Variants in STRN observed in about 807,000 individuals in gnomAD.
STRN encodes the protein striatin, also known as protein phosphatase 2 regulatory subunit B'''alpha.
A neutral mutation model predicts 96.3 loss-of-function variants in STRN; 53 were observed. That is an observed-to-expected ratio of 0.55 (90% CI 0.44 to 0.69). The LOEUF is 0.69. STRN is among the 30% of genes least tolerant of loss of function. STRN has a pLI of 0.00. For synonymous variants in STRN, 428 were observed against 355.9 expected (o/e 1.20, Z -2.28); for missense variants, 987 against 963.9 (o/e 1.02, Z -0.32).
At chr2:36,961,021 C>G (rs948756202) in intron 1 of STRN, among the ~76,000 whole-genome samples, 1 of 151,096 alleles carries the variant, frequency 6.6e-6, no homozygotes, top group South Asian at 2.1e-4. Context: ...CTCAGCCTCA[C>G]GAGTAGCTGG....
In STRN at chr2:36,838,867, A is replaced by T. The variant is rs1432470880; in HGVS notation, c.*10589T>A. On this transcript the variant is annotated 3_prime_UTR_variant, in exon 18 of 18. Coordinates refer to ENST00000263918, the MANE Select transcript of STRN (RefSeq NM_003162.4). ...TAAATGAGAAATGTGAGATGCAGAGAACGTACATGATCCCATTTATTTAAA... is the reference window on the plus strand; with the variant it reads ...TAAATGAGAAATGTGAGATGCAGAGTACGTACATGATCCCATTTATTTAAA... Among the ~76,000 whole-genome samples the T allele has an allele frequency of 6.6e-6, 1 of 152,154 alleles. No individual in the cohort carries two copies. The highest frequency in any genetic ancestry group is 1.5e-5 in the Non-Finnish European group (1 of 68,022).
chr2:36,885,116 A>G (rs539184405), intron 8 of STRN, among the ~76,000 whole-genome samples: 1 of 152,152 alleles, frequency 6.6e-6, no homozygotes, highest in East Asian at 1.9e-4. Flanking sequence ...AAGAAATCCA[A>G]TTGCTTCTAT....
chr2:36,857,624 C>T (rs1449764254), intron 14 of STRN, among the ~76,000 whole-genome samples: 1 of 152,026 alleles, frequency 6.6e-6, no homozygotes, highest in African/African-American at 2.4e-5. Context: ...TGCGCCACTG[C>T]ACTCCAGCCT....
At chr2:36,923,958 C>A (rs763385909) in intron 2 of STRN, among the ~76,000 whole-genome samples, 6 of 151,966 alleles carry the variant, frequency 3.9e-5, no homozygotes, top group Non-Finnish European at 5.9e-5. Flanking sequence ...TACTTGTGAC[C>A]CAAATTTAGT....
intron 13 of STRN, among the ~76,000 whole-genome samples, chr2:36,858,855 C>T (rs1041117160): frequency 6.6e-6 from 1 of 152,084 alleles, no homozygotes; most frequent in Non-Finnish European, 1.5e-5. Flanking sequence ...CCTCAACAGA[C>T]AATGTTGAAA....
chr2:36,956,884 AG>A (rs763047940), intron 1 of STRN, among the ~76,000 whole-genome samples: 29 of 152,248 alleles, frequency 1.9e-4, no homozygotes, highest in Non-Finnish European at 3.5e-4. Flanking sequence ...TTCAGTTTCC[AG>A]TTATGGTGCC....
chr2:36,923,065 C>G (rs1435641104), intron 2 of STRN, among the ~76,000 whole-genome samples: 1 of 151,732 alleles, frequency 6.6e-6, no homozygotes, highest in Non-Finnish European at 1.5e-5. Context: ...TTGCTTGAAC[C>G]CAGGAGGTGG....
At chr2:36,952,120 G>T (rs748914805) in intron 1 of STRN, among the ~76,000 whole-genome samples, 3 of 152,180 alleles carry the variant, frequency 2.0e-5, no homozygotes, top group Non-Finnish European at 2.9e-5. Flanking sequence ...AGCATTCTAA[G>T]AAACAAAAAT....
rs1044266952 is a variant in STRN, at chr2:36,926,945, T to C, written c.235-1737A>G. On this transcript the variant is annotated intron_variant, in intron 1 of 17. Coordinates refer to ENST00000263918, the MANE Select transcript of STRN (RefSeq NM_003162.4). The stretch of plus-strand genomic sequence containing the variant: ...GACAGCCCAACTTGTCATTTCCAAA[T>C]GTTTGTCTATGCCAAACGTGCTTTG... Among the ~76,000 whole-genome samples, 17 of 152,330 alleles carry C rather than the reference T, an allele frequency of 1.1e-4. 1 individual carries two copies. The South Asian group carries it at 2.7e-3, about 24-fold the overall frequency.
chr2:36,961,115 C>CCTTT (rs1553407709), intron 1 of STRN, among the ~76,000 whole-genome samples: 1 of 60,322 alleles, frequency 1.7e-5, no homozygotes, highest in African/African-American at 9.6e-5. Flanking sequence ...CCAGGCTGCA[C>CCTTT]TTTTTTTTTT....
chr2:36,899,542 C>T lies in STRN; in HGVS notation c.776G>A (p.Ser259Asn), dbSNP rs1161538911. ...ACTCACTGTTGAAGTATCAATGACG[C>T]TTTTCTCTCTTCCATCAACATCATC... is the stretch of plus-strand genomic sequence containing the variant. ...EDDDVDGREK[S>N]VIDTSTIVRK... The change falls in exon 6 of 18, where the codon AGC (serine) becomes AAC (asparagine). Residue 259 changes from serine (S) to asparagine (N), a missense_variant. Ser to Asn is a conservative substitution (Grantham distance 46, BLOSUM62 1). Transcript: ENST00000263918. The T allele has an allele frequency of 1.9e-6, 3 of 1,611,888 alleles. No individual in the cohort carries two copies. The highest frequency in any genetic ancestry group is 2.5e-6 in the Non-Finnish European group (3 of 1,179,558).
At chr2:36,886,883 A>G in intron 7 of STRN, 57 bp from the exon 8 acceptor site, 1 of 1,385,300 alleles carries the variant, frequency 7.2e-7, no homozygotes, top group Non-Finnish European at 1.0e-6. Context: ...GAACACTCTG[A>G]GTCAGTATGT....
chr2:36,959,578 A>T (rs1178057497), intron 1 of STRN, among the ~76,000 whole-genome samples: 1 of 152,208 alleles, frequency 6.6e-6, no homozygotes, highest in Non-Finnish European at 1.5e-5. Flanking sequence ...TCCAGCTCAA[A>T]GATTACTCTG....
At chr2:36,910,629 C>A (rs1669941247) in intron 3 of STRN, among the ~76,000 whole-genome samples, 4 of 151,892 alleles carry the variant, frequency 2.6e-5, no homozygotes, top group Admixed American at 2.6e-4. Context: ...AAATTGAATC[C>A]TAAAAAATAT....
chr2:36,852,920 G>A (rs566995856), intron 15 of STRN, among the ~76,000 whole-genome samples: 1 of 152,296 alleles, frequency 6.6e-6, no homozygotes, highest in Middle Eastern at 3.4e-3. Context: ...ACTTTAGGAG[G>A]CCGAGGCAGG....
Position 36,869,548 on chromosome 2 carries a change from T to C in STRN, c.1499+6A>G. ...TTCAAATAATGTTAAAGTAGAATAT[T>C]CTCACTTTTTGGCTGGGGCTGTTTT... On this transcript the variant is annotated splice_donor_region_variant and intron_variant, in intron 11 of 17. Coordinates refer to ENST00000263918, the MANE Select transcript of STRN (RefSeq NM_003162.4). 2.0e-6 allele frequency: 3 copies of C among 1,519,442 alleles called. No individual in the cohort carries two copies. The highest frequency in any genetic ancestry group is 2.7e-6 in the Non-Finnish European group (3 of 1,129,128). The allele number at this position is 1,519,442 out of a possible 1,614,324, so 94.1% of individuals were successfully genotyped here.
chr2:36,863,330 T>C lies in STRN; in HGVS notation c.1548-2077A>G, dbSNP rs535370588. On this transcript the variant is annotated intron_variant, in intron 12 of 17. Coordinates refer to ENST00000263918, the MANE Select transcript of STRN (RefSeq NM_003162.4). ...TTAGGTTTTGCATTTAAGTCTTTAA[T>C]CCGTCTGAATTGATTTTTATATATG... 2.6e-5 allele frequency among the ~76,000 whole-genome samples: 4 copies of C among 152,238 alleles called. No individual in the cohort carries two copies. In the South Asian group the frequency reaches 6.2e-4, roughly 24 times the overall value.
intron 1 of STRN, among the ~76,000 whole-genome samples, chr2:36,944,953 C>T (rs568980193): frequency 2.0e-5 from 3 of 152,176 alleles, no homozygotes; most frequent in Admixed American, 2.0e-4. Context: ...CAAATGGGAA[C>T]GTAGACCAGA....
chr2:36,857,015 T>C (rs1668362560), intron 14 of STRN, among the ~76,000 whole-genome samples: 1 of 143,476 alleles, frequency 7.0e-6, no homozygotes, highest in Non-Finnish European at 1.5e-5. Context: ...CAATTAAACC[T>C]TTTTTTTTTT....
Sources: gnomAD v4.1 joint callset for allele counts (sites outside exome capture counted in the v4.1 genomes callset) on GRCh38, gnomAD v4.1.1 for gene constraint, MANE v1.5 for transcripts, NCBI Gene and HGNC (gene_info 2026-07-23, HGNC 2026-07-21) for gene names.